The following EYS variants were observed in gnomAD, a reference collection of about 807,000 sequenced individuals.
EYS encodes the protein EGF-like photoreceptor maintenance factor.
Under a neutral mutation model 282.1 loss-of-function variants are expected in EYS, and 250 were observed. The ratio of observed to expected loss-of-function variants is 0.89; its 90% CI spans 0.80 to 0.98. The LOEUF is 0.98. Ranked by LOEUF, EYS falls within the 50% of genes least tolerant of loss-of-function variation. The probability of loss-of-function intolerance (pLI) is 0.00; values close to 1 mark genes in which losing one functional copy is unlikely to be tolerated. For missense variants in EYS, 4,016 were observed against 3,709.0 expected, an observed-to-expected ratio of 1.08 and a Z score of -2.15; for synonymous variants, 1,355 against 1,282.9, an observed-to-expected ratio of 1.06 and a Z score of -1.20.
In EYS at chr6:64,124,081, A is replaced by G. The variant is rs778723330; in HGVS notation, c.6425-42079T>C. 2.0e-5 allele frequency among the ~76,000 whole-genome samples: 3 copies of G among 152,248 alleles called. 1 individual carries two copies. Among genetic ancestry groups the G allele is most frequent in the Non-Finnish European group, 4.4e-5 (3 of 68,036 alleles). ...AAAATAGCAAGCCCCACGGAACAAT[A>G]TAAAGAAAAGGCAGGGAAAAGTGTA... is the stretch of plus-strand genomic sequence containing the variant. On this transcript the variant is annotated intron_variant, in intron 31 of 42. Coordinates refer to ENST00000503581, the MANE Select transcript of EYS (RefSeq NM_001142800.2).
At chr6:64,331,926 T>G (rs1226539020) in intron 29 of EYS, among the ~76,000 whole-genome samples, 1 of 152,160 alleles carries the variant, frequency 6.6e-6, no homozygotes, top group Non-Finnish European at 1.5e-5. Context: ...CAGAGAAAGC[T>G]CAGGAAGTAA....
At chr6:65,106,215 A>G (rs544418316) in intron 12 of EYS, among the ~76,000 whole-genome samples, 196 of 152,122 alleles carry the variant, frequency 1.3e-3, no homozygotes, top group African/African-American at 4.3e-3. Flanking sequence ...CGATCTCTAG[A>G]CGTATACTTT....
At chr6:63,814,175 C>T (rs1251698352) in intron 36 of EYS, among the ~76,000 whole-genome samples, 3 of 152,204 alleles carry the variant, frequency 2.0e-5, no homozygotes, top group Non-Finnish European at 2.9e-5. Context: ...CACTTTCACA[C>T]TGTTCAGCAT....
chr6:64,900,405 T>C (rs1219278218), intron 18 of EYS, among the ~76,000 whole-genome samples: 1 of 152,136 alleles, frequency 6.6e-6, no homozygotes, highest in Non-Finnish European at 1.5e-5. Flanking sequence ...CTAAAGAGCT[T>C]CTGCACAGCA....
chr6:63,914,784 A>G (rs1764927305), intron 35 of EYS, among the ~76,000 whole-genome samples: 1 of 152,124 alleles, frequency 6.6e-6, no homozygotes, highest in South Asian at 2.1e-4. Flanking sequence ...GTCTGGATAG[A>G]AAAACAAACC....
At chr6:64,996,964 T>C (rs946920078) in intron 14 of EYS, among the ~76,000 whole-genome samples, 4 of 152,144 alleles carry the variant, frequency 2.6e-5, no homozygotes, top group Admixed American at 1.3e-4. Context: ...AGCCAGTCAG[T>C]GAGTGAGTCC....
At chr6:64,056,156 C>T (rs919271774) in intron 33 of EYS, among the ~76,000 whole-genome samples, 4 of 152,166 alleles carry the variant, frequency 2.6e-5, no homozygotes, top group Non-Finnish European at 5.9e-5. Flanking sequence ...TCACTGCCTT[C>T]CAAGTATTTG....
chr6:65,527,917 G>A (rs1767629830), intron 2 of EYS, among the ~76,000 whole-genome samples: 1 of 152,140 alleles, frequency 6.6e-6, no homozygotes, highest in East Asian at 1.9e-4. Flanking sequence ...TCATTTTATG[G>A]CAAAGGAGTT....
At chr6:65,060,801 T>C (rs573449158) in intron 12 of EYS, among the ~76,000 whole-genome samples, 2,479 of 138,430 alleles carry the variant, frequency 0.018, 65 homozygotes, top group African/African-American at 0.062. Context: ...TATATATATA[T>C]ACACACACAT....
intron 2 of EYS, among the ~76,000 whole-genome samples, chr6:65,630,358 G>A (rs55768857): frequency 3.9e-5 from 6 of 152,250 alleles, no homozygotes; most frequent in East Asian, 1.9e-4. Flanking sequence ...TGTTCCCCCC[G>A]CCTGGGGAAA....
intron 33 of EYS, among the ~76,000 whole-genome samples, chr6:64,053,533 ATT>A: frequency 6.6e-6 from 1 of 152,068 alleles, no homozygotes; most frequent in East Asian, 1.9e-4. Flanking sequence ...CTTCTGTGTG[ATT>A]TTTCAGTGTC....
intron 19 of EYS, among the ~76,000 whole-genome samples, chr6:64,870,050 A>G (rs1003020246): frequency 6.6e-6 from 1 of 151,678 alleles, no homozygotes; most frequent in Non-Finnish European, 1.5e-5. Context: ...ATCAGGCACT[A>G]AATACGAGGG....
intron 2 of EYS, among the ~76,000 whole-genome samples, chr6:65,505,816 T>C (rs1243245187): frequency 6.6e-6 from 1 of 152,122 alleles, no homozygotes; most frequent in African/African-American, 2.4e-5. Flanking sequence ...CTAGAATGTG[T>C]GCTATCTTGC....
chr6:65,557,456 G>A (rs982961590), intron 2 of EYS, among the ~76,000 whole-genome samples: 2 of 152,212 alleles, frequency 1.3e-5, no homozygotes, highest in African/African-American at 4.8e-5. Flanking sequence ...CATGCCACAA[G>A]CAGTCTCTGC....
chr6:64,950,963 G>C (rs906566552), intron 14 of EYS, among the ~76,000 whole-genome samples: 2 of 151,208 alleles, frequency 1.3e-5, no homozygotes, highest in Non-Finnish European at 3.0e-5. Flanking sequence ...TTTGCTTCCA[G>C]ATAAGTAGTT....
intron 22 of EYS, among the ~76,000 whole-genome samples, chr6:64,787,618 T>G (rs62415504): frequency 0.095 from 14,379 of 151,354 alleles, 880 homozygotes; most frequent in East Asian, 0.26. Flanking sequence ...AATGAATTAT[T>G]CCTTTTTACT....
chr6:64,706,620 AAAAC>A (rs369674069), intron 22 of EYS, among the ~76,000 whole-genome samples: 1 of 152,304 alleles, frequency 6.6e-6, no homozygotes, highest in African/African-American at 2.4e-5. Context: ...AGCAAGAAAA[AAAAC>A]AAACAATTCC....
rs148348538 is a variant in EYS, at chr6:64,416,123, TCA to T, written c.5927+20049_5927+20050del. Among the ~76,000 whole-genome samples the T allele has an allele frequency of 4.4e-4, 67 of 152,258 alleles. 1 individual carries two copies. In the East Asian group the frequency reaches 0.012, roughly 28 times the overall value. On this transcript the variant is annotated intron_variant, in intron 28 of 42. Transcript: ENST00000503581. ...TGGCTACCTTCGCACATGAATTTCTTCAGAGTAGTGGCAGAAATCAATGGCTT... is the reference window on the plus strand; with the variant it reads ...TGGCTACCTTCGCACATGAATTTCTTGAGTAGTGGCAGAAATCAATGGCTT...
chr6:65,031,480 CAT>C (rs1772602369), intron 13 of EYS, among the ~76,000 whole-genome samples: 1 of 151,952 alleles, frequency 6.6e-6, no homozygotes, highest in Non-Finnish European at 1.5e-5. Flanking sequence ...TGTGATAAGA[CAT>C]AAAATAATTG....
Sources: allele counts gnomAD v4.1 joint callset (sites outside exome capture counted in the v4.1 genomes callset), GRCh38; gene constraint gnomAD v4.1.1; transcripts MANE v1.5; gene names NCBI Gene and HGNC (gene_info 2026-07-23, HGNC 2026-07-21).